SFXN5: variants seen among roughly 807,000 people sequenced by gnomAD.
SFXN5 encodes the protein sideroflexin-5.
SFXN5 carries 43 observed loss-of-function variants against 50.2 expected under a neutral mutation model. That is an observed-to-expected ratio of 0.86 (90% CI 0.67 to 1.11). The LOEUF (loss-of-function observed/expected upper bound fraction) is 1.11. SFXN5 is among the 50% of genes least tolerant of loss of function. The pLI, the probability that SFXN5 is intolerant of heterozygous loss-of-function variation, is 0.00. For synonymous variants in SFXN5, 203 were observed against 185.8 expected (o/e 1.09, Z -0.75); for missense variants, 463 against 454.1 (o/e 1.02, Z -0.18).
rs2421097 is a variant in SFXN5 at position 72,945,316 on chromosome 2, A to G, written c.946-217T>C. On this transcript the variant is annotated intron_variant, in intron 13 of 13. Transcript: ENST00000272433. The surrounding 1 kb of genome is among the most constrained non-coding windows in gnomAD (Gnocchi z 5.8). ...CACAGCATCCCTTCCAGCCCAGACC[A>G]GATCTCTTTCTTCTGATGGTGTGTC... 0.51 allele frequency among the ~76,000 whole-genome samples: 78,075 copies of G among 151,876 alleles called. 21,109 individuals carry two copies. The highest frequency in any genetic ancestry group is 0.66 in the African/African-American group (27,487 of 41,416).
At chr2:72,989,532 C>T (rs1470814279) in intron 9 of SFXN5, among the ~76,000 whole-genome samples, 1 of 151,968 alleles carries the variant, frequency 6.6e-6, no homozygotes, top group Admixed American at 6.6e-5. Flanking sequence ...GTGACTGCAC[C>T]TTTTTCATCT....
intron 6 of SFXN5, among the ~76,000 whole-genome samples, chr2:73,010,596 G>C (rs1675382851): frequency 1.3e-5 from 2 of 152,202 alleles, no homozygotes; most frequent in East Asian, 3.8e-4. Context: ...GTTACATGCA[G>C]ATGACCCTGA....
chr2:73,052,614 A>C (rs1180852030), intron 2 of SFXN5, among the ~76,000 whole-genome samples: 4 of 152,268 alleles, frequency 2.6e-5, no homozygotes, highest in South Asian at 2.1e-4. Flanking sequence ...TTAGTTTTCT[A>C]TGCCCTTCAT....
intron 12 of SFXN5, among the ~76,000 whole-genome samples, chr2:72,964,791 T>TG (rs1674173565): frequency 6.6e-6 from 1 of 152,238 alleles, no homozygotes; most frequent in Non-Finnish European, 1.5e-5. Flanking sequence ...CACCAAACTC[T>TG]GACCTCTCAT....
At chr2:72,962,418 A>G (rs1005085999) in intron 12 of SFXN5, among the ~76,000 whole-genome samples, 4 of 152,256 alleles carry the variant, frequency 2.6e-5, no homozygotes, top group Non-Finnish European at 5.9e-5. Context: ...CCCTGAGAAG[A>G]CAGCAAAATT....
intron 6 of SFXN5, among the ~76,000 whole-genome samples, chr2:73,013,811 A>C (rs1675833124): frequency 6.6e-6 from 1 of 152,094 alleles, no homozygotes; most frequent in African/African-American, 2.4e-5. Flanking sequence ...TAAAAGATGA[A>C]ACACTATAAA....
At chr2:73,047,245 A>AATAT (rs1167103035) in intron 2 of SFXN5, among the ~76,000 whole-genome samples, 42 of 18,920 alleles carry the variant, frequency 2.2e-3, no homozygotes, top group South Asian at 6.8e-3. Flanking sequence ...AAAAAAAAAA[A>AATAT]ATATATATAT....
At chr2:73,055,580 T>G (rs923977453) in intron 2 of SFXN5, among the ~76,000 whole-genome samples, 2 of 151,158 alleles carry the variant, frequency 1.3e-5, no homozygotes, top group African/African-American at 2.4e-5. Context: ...GAGGGGTGGA[T>G]TTCTTTTTTT....
At chr2:73,065,540 A>T (rs765440215) in intron 1 of SFXN5, among the ~76,000 whole-genome samples, 9 of 152,280 alleles carry the variant, frequency 5.9e-5, no homozygotes, top group Non-Finnish European at 1.0e-4. Context: ...CTGGGATTAT[A>T]GGCGCCTGCC....
intron 2 of SFXN5, among the ~76,000 whole-genome samples, chr2:73,056,896 T>C (rs914453560): frequency 6.6e-6 from 1 of 152,190 alleles, no homozygotes; most frequent in South Asian, 2.1e-4. Flanking sequence ...AACATATATT[T>C]ATCACACTTA....
chr2:72,971,644 C>A lies in SFXN5; in HGVS notation c.667G>T (p.Glu223Ter). The part of the protein sequence containing the change: ...ICNVVLMRYG[E>*]LEEGIDVLDS... Reference sequence around the variant, plus strand: ...AGGACATCAATCCCTTCCTCCAGCTCCCCGTACCGCATCAGGACCACATTG... The same window carrying A: ...AGGACATCAATCCCTTCCTCCAGCTACCCGTACCGCATCAGGACCACATTG... The change falls in exon 11 of 14, where the codon GAG becomes TAG. Residue 223 changes from glutamate (E) to a stop codon, truncating the protein, a stop_gained. Transcript: ENST00000272433. LOFTEE classifies it high-confidence loss of function. 1.2e-6 allele frequency: 2 copies of A among 1,614,082 alleles called. No homozygotes were observed. The highest frequency in any genetic ancestry group is 8.5e-7 in the Non-Finnish European group (1 of 1,179,972).
intron 1 of SFXN5, 26 bp from the exon 2 acceptor site, chr2:73,058,622 G>C: frequency 6.2e-7 from 1 of 1,608,854 alleles, no homozygotes; most frequent in Non-Finnish European, 8.5e-7. Flanking sequence ...AGAGAGAAGA[G>C]TGAATGGATC....
At chr2:72,984,533 C>A (rs944639834) in intron 10 of SFXN5, among the ~76,000 whole-genome samples, 2 of 152,236 alleles carry the variant, frequency 1.3e-5, no homozygotes, top group African/African-American at 4.8e-5. Context: ...GAGGCCTGGG[C>A]TCTGGCCAGC....
At chr2:72,965,659 C>T (rs1275848338) in intron 12 of SFXN5, among the ~76,000 whole-genome samples, 3 of 152,204 alleles carry the variant, frequency 2.0e-5, no homozygotes, top group Non-Finnish European at 4.4e-5. Context: ...CCGGAAGAAG[C>T]AAGCCACATC....
intron 9 of SFXN5, among the ~76,000 whole-genome samples, chr2:72,990,051 C>T (rs1303808595): frequency 1.3e-5 from 2 of 152,228 alleles, no homozygotes; most frequent in Non-Finnish European, 2.9e-5. Flanking sequence ...AGGCGCCTGC[C>T]GCTGTTGGGG....
rs59924850 is a variant in SFXN5 at position 72,942,445 on chromosome 2, G to A, written c.*2577C>T. 0.14 allele frequency: 21,673 copies of A among 152,382 alleles called. 2,279 individuals carry two copies. Among genetic ancestry groups the A allele is most frequent in the African/African-American group, 0.3 (12,238 of 41,470 alleles). 9.4% of individuals were successfully genotyped at this position (152,382 alleles called of 1,614,324 possible). A position where few individuals can be genotyped will look rare whatever the true frequency, so the allele number is the denominator to read the frequency against. On this transcript the variant is annotated 3_prime_UTR_variant, in exon 14 of 14. Coordinates refer to ENST00000272433, the MANE Select transcript of SFXN5 (RefSeq NM_144579.3). The stretch of plus-strand genomic sequence containing the variant: ...GAGGAGGGCCAGGCAGGGACACCAG[G>A]GGTGCAGCACCATCGCAGGCGTGGC...
At chr2:72,949,996 G>A (rs1203904803) in intron 13 of SFXN5, among the ~76,000 whole-genome samples, 1 of 152,090 alleles carries the variant, frequency 6.6e-6, no homozygotes, top group African/African-American at 2.4e-5. Context: ...TTCCCCAGGT[G>A]GACAGGCCTG....
chr2:73,015,584 T>C (rs2105793852), intron 6 of SFXN5, among the ~76,000 whole-genome samples: 1 of 152,238 alleles, frequency 6.6e-6, no homozygotes, highest in Admixed American at 6.5e-5. Flanking sequence ...CCTCTCAAAG[T>C]GCTGGGATAA....
At chr2:73,044,412 C>T (rs945558904) in intron 2 of SFXN5, 1 of 152,368 alleles carries the variant, frequency 6.6e-6, no homozygotes, top group Non-Finnish European at 1.5e-5. Flanking sequence ...ACAGGCAAGG[C>T]CCCAGGACAG....
Sources: gnomAD v4.1 joint callset for allele counts (sites outside exome capture counted in the v4.1 genomes callset) on GRCh38, gnomAD v4.1.1 for gene constraint, Gnocchi (gnomAD v3.1) non-coding constraint, MANE v1.5 for transcripts, NCBI Gene and HGNC (gene_info 2026-07-23, HGNC 2026-07-21) for gene names.